PTGR3: variants seen among roughly 807,000 people sequenced by gnomAD.
PTGR3 encodes prostaglandin reductase 3, also known as zinc binding alcohol dehydrogenase domain containing 2.
At chr18:75,197,966 A>T in the PTGR3 span, 2 of 152,354 alleles carry the variant, frequency 1.3e-5, no homozygotes, top group South Asian at 4.1e-4. Context: ...TCTGAAATAC[A>T]GTATTTATCC....
the PTGR3 span, chr18:75,209,015 AT>A: frequency 6.3e-7 from 1 of 1,581,708 alleles, no homozygotes; most frequent in South Asian, 1.2e-5. This position sits in a 1 kb window ranked among gnomAD's most constrained non-coding sequence, Gnocchi z 4.7. Context: ...GGCGTACGAC[AT>A]GTCCACGATG....
At chr18:75,207,272 G>T in the PTGR3 span, among the ~76,000 whole-genome samples, 5 of 152,146 alleles carry the variant, frequency 3.3e-5, no homozygotes, top group African/African-American at 9.7e-5. Flanking sequence ...ACAAACTTTT[G>T]TGTGTGTTTA....
chr18:75,202,038 G>A, the PTGR3 span: 18 of 1,613,910 alleles, frequency 1.1e-5, no homozygotes, highest in African/African-American at 6.7e-5. Context: ...TTTCCCTTCC[G>A]ACAGTCCTCC....
the PTGR3 span, chr18:75,201,709 G>A: frequency 6.2e-7 from 1 of 1,614,216 alleles, no homozygotes; most frequent in African/African-American, 1.3e-5. Context: ...ACAGGCGAAA[G>A]GCCAGTAGGA....
At chr18:75,201,940 A>C in the PTGR3 span, 1 of 1,614,142 alleles carries the variant, frequency 6.2e-7, no homozygotes, top group African/African-American at 1.3e-5. Context: ...TCAGAAGAGC[A>C]GGTTCCAATT....
the PTGR3 span, among the ~76,000 whole-genome samples, chr18:75,204,998 G>C: frequency 6.5e-4 from 99 of 152,296 alleles, no homozygotes; most frequent in Middle Eastern, 3.4e-3. Context: ...CTGCGTCGTC[G>C]GTGAAGGAGG....
At chr18:75,206,857 G>A in the PTGR3 span, among the ~76,000 whole-genome samples, 3 of 152,308 alleles carry the variant, frequency 2.0e-5, no homozygotes, top group Non-Finnish European at 4.4e-5. Context: ...CTGCACTCCC[G>A]CGTTCTGACC....
chr18:75,199,546 CT>C, the PTGR3 span: 1 of 152,176 alleles, frequency 6.6e-6, no homozygotes, highest in Non-Finnish European at 1.5e-5. Context: ...CTGCTCCCCC[CT>C]CCTTTGTTTG....
the PTGR3 span, chr18:75,208,936 C>T: frequency 6.3e-7 from 1 of 1,588,520 alleles, no homozygotes; most frequent in Non-Finnish European, 8.6e-7. Context: ...AGTTGGGGCT[C>T]AGCCGGGTCA....
the PTGR3 span, chr18:75,201,193 T>G: frequency 1.9e-6 from 1 of 540,166 alleles, no homozygotes; most frequent in Admixed American, 3.4e-5. Context: ...ATGTAAGCGT[T>G]TTCCCTCTTA....
At chr18:75,197,544 T>C in the PTGR3 span, 1 of 152,146 alleles carries the variant, frequency 6.6e-6, no homozygotes, top group Non-Finnish European at 1.5e-5. Flanking sequence ...ACCGTACTGA[T>C]AATCCCGCTT....
At chr18:75,205,369 G>A in the PTGR3 span, 1 of 960,826 alleles carries the variant, frequency 1.0e-6, no homozygotes, top group Non-Finnish European at 1.2e-6. Flanking sequence ...GACCCTCCTT[G>A]TACCCCCACC....
chr18:75,202,154 G>A, the PTGR3 span: 2 of 1,614,110 alleles, frequency 1.2e-6, no homozygotes, highest in South Asian at 2.2e-5. Flanking sequence ...GCACAACTGT[G>A]TACTCAGCAA....
the PTGR3 span, among the ~76,000 whole-genome samples, chr18:75,205,731 AAAG>A: frequency 6.6e-6 from 1 of 151,754 alleles, no homozygotes; most frequent in Non-Finnish European, 1.5e-5. Context: ...AAAAAAGAAA[AAAG>A]AAAGAAAGAA....
chr18:75,198,091 G>A, the PTGR3 span: 3 of 152,176 alleles, frequency 2.0e-5, no homozygotes, highest in Non-Finnish European at 4.4e-5. Flanking sequence ...GAACTCTGGG[G>A]AAGGGGTTAA....
At chr18:75,208,923 G>A in the PTGR3 span, 15 of 1,583,012 alleles carry the variant, frequency 9.5e-6, no homozygotes, top group Non-Finnish European at 1.3e-5. Context: ...ACGGCCTCGC[G>A]GAAGTTGGGG....
the PTGR3 span, among the ~76,000 whole-genome samples, chr18:75,206,980 T>C: frequency 6.6e-6 from 1 of 152,018 alleles, no homozygotes; most frequent in Non-Finnish European, 1.5e-5. Context: ...GAACTTGCCC[T>C]TTGGGGAAGG....
chr18:75,208,443 G>C, the PTGR3 span: 1 of 999,170 alleles, frequency 1.0e-6, no homozygotes, highest in African/African-American at 1.7e-5. Context: ...TTTGCGTCCA[G>C]GCTGCTCCCG....
chr18:75,197,852 T>C, the PTGR3 span: 1 of 152,210 alleles, frequency 6.6e-6, no homozygotes, highest in Admixed American at 6.5e-5. Context: ...TTCAGAAAAC[T>C]TGTTTAACAC....
Sources: gnomAD v4.1 joint callset for allele counts (sites outside exome capture counted in the v4.1 genomes callset) on GRCh38, gnomAD v4.1.1 for gene constraint, Gnocchi (gnomAD v3.1) non-coding constraint, MANE v1.5 for transcripts, NCBI Gene and HGNC (gene_info 2026-07-23, HGNC 2026-07-21) for gene names.